CFAP299: variants seen among roughly 807,000 people sequenced by gnomAD.
CFAP299 encodes cilia- and flagella-associated protein 299.
CFAP299 carries 21 observed loss-of-function variants against 27.0 expected under a neutral mutation model. The observed-to-expected ratio is 0.78, with a 90% CI of 0.55 to 1.12. The LOEUF (loss-of-function observed/expected upper bound fraction) is 1.12. CFAP299 is among the 50% of genes most tolerant of loss of function. The pLI is 0.00. For synonymous variants in CFAP299, 104 were observed against 98.1 expected (o/e 1.06, Z -0.36); for missense variants, 310 against 276.6 (o/e 1.12, Z -0.86).
At chr4:80,341,640 A>G (rs1025598457) in intron 1 of CFAP299, among the ~76,000 whole-genome samples, 3 of 152,224 alleles carry the variant, frequency 2.0e-5, no homozygotes, top group Non-Finnish European at 4.4e-5. Context: ...CAACAACAAC[A>G]AAGACCCCAT....
chr4:80,731,486 C>T (rs1723520094), intron 3 of CFAP299, among the ~76,000 whole-genome samples: 1 of 152,128 alleles, frequency 6.6e-6, no homozygotes, highest in Admixed American at 6.5e-5. Context: ...TCCATCGGGC[C>T]CACTGGCCAT....
intron 3 of CFAP299, among the ~76,000 whole-genome samples, chr4:80,778,129 C>T (rs1726658527): frequency 6.6e-6 from 1 of 152,026 alleles, no homozygotes; most frequent in African/African-American, 2.4e-5. Flanking sequence ...AAAACAATTC[C>T]AGCTTCTAAA....
intron 2 of CFAP299, among the ~76,000 whole-genome samples, chr4:80,550,960 G>T (rs2110209496): frequency 6.6e-6 from 1 of 152,068 alleles, no homozygotes; most frequent in South Asian, 2.1e-4. Flanking sequence ...AGCTGATAAA[G>T]AAACTTAAAA....
intron 1 of CFAP299, among the ~76,000 whole-genome samples, chr4:80,346,713 T>C (rs998417531): frequency 9.2e-5 from 14 of 152,204 alleles, no homozygotes; most frequent in Admixed American, 7.9e-4. Context: ...GCATGATGCC[T>C]CCAGCTTTGT....
chr4:80,708,701 A>G (rs1465642064), intron 3 of CFAP299, among the ~76,000 whole-genome samples: 1 of 152,132 alleles, frequency 6.6e-6, no homozygotes, highest in African/African-American at 2.4e-5. Flanking sequence ...CAGAGTTGTT[A>G]TACTATGAGC....
chr4:80,512,380 G>T (rs1296546087), intron 2 of CFAP299, among the ~76,000 whole-genome samples: 2 of 152,036 alleles, frequency 1.3e-5, no homozygotes, highest in Non-Finnish European at 2.9e-5. Flanking sequence ...TCTTGTAAAA[G>T]AAAAATTGCA....
At chr4:80,701,263 G>C (rs550050998) in intron 3 of CFAP299, among the ~76,000 whole-genome samples, 10 of 152,122 alleles carry the variant, frequency 6.6e-5, no homozygotes, top group Non-Finnish European at 1.0e-4. Flanking sequence ...TATTGAGTAA[G>C]AGGATATAGA....
At chr4:80,463,205 A>G (rs1729536609) in intron 2 of CFAP299, among the ~76,000 whole-genome samples, 1 of 152,076 alleles carries the variant, frequency 6.6e-6, no homozygotes, top group African/African-American at 2.4e-5. Context: ...TAAAACTTTT[A>G]TAAAACAAAG....
At chr4:80,840,447 A>G (rs1382334626) in intron 3 of CFAP299, among the ~76,000 whole-genome samples, 4 of 152,254 alleles carry the variant, frequency 2.6e-5, no homozygotes. Context: ...CTTAGTTATC[A>G]TGGTTAAGAA....
intron 3 of CFAP299, among the ~76,000 whole-genome samples, chr4:80,640,464 T>C (rs1398288729): frequency 6.6e-6 from 1 of 152,188 alleles, no homozygotes; most frequent in East Asian, 1.9e-4. Context: ...AATCTCAAGC[T>C]CTGAGATTAA....
chr4:80,553,231 G>A (rs902252588), intron 2 of CFAP299, among the ~76,000 whole-genome samples: 31 of 152,092 alleles, frequency 2.0e-4, no homozygotes, highest in Non-Finnish European at 4.0e-4. Flanking sequence ...ACTAATAAAT[G>A]AGAACATGCA....
At chr4:80,853,123 A>G (rs1291180056) in intron 3 of CFAP299, among the ~76,000 whole-genome samples, 1 of 152,062 alleles carries the variant, frequency 6.6e-6, no homozygotes, top group Non-Finnish European at 1.5e-5. Context: ...CTCCGCCTCC[A>G]GGATTCAATT....
At chr4:80,664,757 T>G (rs541532066) in intron 3 of CFAP299, among the ~76,000 whole-genome samples, 5 of 152,190 alleles carry the variant, frequency 3.3e-5, no homozygotes, top group African/African-American at 9.6e-5. Context: ...TGGCTGGTGT[T>G]CTAGGCACCA....
intron 2 of CFAP299, among the ~76,000 whole-genome samples, chr4:80,418,930 A>G (rs934224281): frequency 3.3e-5 from 5 of 152,148 alleles, no homozygotes; most frequent in African/African-American, 1.2e-4. Context: ...TAACTTGGCC[A>G]TTGTTAATGG....
chr4:80,747,233 TATC>T (rs1724669755), intron 3 of CFAP299, among the ~76,000 whole-genome samples: 1 of 152,090 alleles, frequency 6.6e-6, no homozygotes. Context: ...AGTACTTTAT[TATC>T]ATTATGAAGT....
intron 3 of CFAP299, among the ~76,000 whole-genome samples, chr4:80,863,823 G>C (rs1456248586): frequency 2.0e-5 from 3 of 151,992 alleles, no homozygotes; most frequent in Non-Finnish European, 4.4e-5. Flanking sequence ...TATAAACATA[G>C]CATCATCATT....
At chr4:80,844,334 C>A (rs564102825) in intron 3 of CFAP299, among the ~76,000 whole-genome samples, 1 of 152,310 alleles carries the variant, frequency 6.6e-6, no homozygotes, top group East Asian at 1.9e-4. Flanking sequence ...ATCACACTGA[C>A]TTCCACAGTG....
intron 2 of CFAP299, among the ~76,000 whole-genome samples, chr4:80,562,693 T>TAAC (rs1553934468): frequency 1.2e-3 from 156 of 128,610 alleles, no homozygotes; most frequent in Middle Eastern, 4.5e-3. Flanking sequence ...ATAATAATAA[T>TAAC]AACAACAACA....
At chr4:80,906,734 T>TCA (rs1477628912) in intron 4 of CFAP299, among the ~76,000 whole-genome samples, 1 of 152,130 alleles carries the variant, frequency 6.6e-6, no homozygotes, top group Non-Finnish European at 1.5e-5. Flanking sequence ...CTTTTAGCCA[T>TCA]GGCTGGAACT....
Sources: allele counts gnomAD v4.1 joint callset (sites outside exome capture counted in the v4.1 genomes callset), GRCh38; gene constraint gnomAD v4.1.1; transcripts MANE v1.5; gene names NCBI Gene and HGNC (gene_info 2026-07-23, HGNC 2026-07-21).